Variants in ERBB4 observed in about 807,000 individuals in gnomAD.
ERBB4 encodes erb-b2 receptor tyrosine kinase 4.
Under a neutral mutation model 158.0 loss-of-function variants are expected in ERBB4, and 42 were observed. The observed-to-expected ratio is 0.27, with a 90% CI of 0.21 to 0.34. The LOEUF is 0.34. Among genes scored for constraint, ERBB4 ranks in the 10% least tolerant of loss-of-function variants. The pLI, the probability that ERBB4 is intolerant of heterozygous loss-of-function variation, is 1.00. For synonymous variants in ERBB4, 583 were observed against 558.7 expected (o/e 1.04, Z -0.61); for missense variants, 1,333 against 1,624.1 (o/e 0.82, Z 3.08).
intron 7 of ERBB4, among the ~76,000 whole-genome samples, chr2:211,713,946 G>C (rs2073807737): frequency 6.6e-6 from 1 of 152,168 alleles, no homozygotes; most frequent in Non-Finnish European, 1.5e-5. Context: ...TTTAGCTTGT[G>C]TGTGTCAATA....
At chr2:211,553,613 T>C (rs971775301) in intron 20 of ERBB4, among the ~76,000 whole-genome samples, 1 of 152,240 alleles carries the variant, frequency 6.6e-6, no homozygotes, top group African/African-American at 2.4e-5. Context: ...TCTTACTTTA[T>C]GCCAAACAGT....
chr2:211,722,421 A>T lies in ERBB4; in HGVS notation c.855T>A (p.Tyr285Ter). 6.2e-7 allele frequency: 1 copy of T among 1,613,758 alleles called. No homozygotes were observed. The highest frequency in any genetic ancestry group is 8.5e-7 in the Non-Finnish European group (1 of 1,179,662). ...GACATTTCTTGACACAGAATGCTCC[A>T]TATGTGTACTTTGCATTGAAATTGT... ...LEHNFNAKYT[Y>*]GAFCVKKCPH... The change falls in exon 7 of 28, where the codon TAT (tyrosine) becomes TAA (stop). Residue 285 changes from tyrosine (Y) to a stop codon, truncating the protein, a stop_gained. Coordinates refer to ENST00000342788, the MANE Select transcript of ERBB4 (RefSeq NM_005235.3). LOFTEE classifies it high-confidence loss of function.
chr2:211,687,085 G>A (rs1260741874), intron 12 of ERBB4, among the ~76,000 whole-genome samples: 1 of 151,698 alleles, frequency 6.6e-6, no homozygotes, highest in African/African-American at 2.4e-5. Context: ...CACGAGGTCA[G>A]GAGATCGAGA....
At chr2:211,432,144 T>G (rs937177054) in intron 20 of ERBB4, among the ~76,000 whole-genome samples, 1 of 152,218 alleles carries the variant, frequency 6.6e-6, no homozygotes, top group Non-Finnish European at 1.5e-5. Context: ...AAAAATAGAT[T>G]AGAATTATTA....
At chr2:212,066,974 A>G (rs1263782828) in intron 2 of ERBB4, among the ~76,000 whole-genome samples, 1 of 151,980 alleles carries the variant, frequency 6.6e-6, no homozygotes, top group Non-Finnish European at 1.5e-5. Flanking sequence ...GACTGAATGA[A>G]CTGATAAGAA....
At chr2:212,510,536 G>A (rs1465475500) in intron 1 of ERBB4, among the ~76,000 whole-genome samples, 1 of 151,822 alleles carries the variant, frequency 6.6e-6, no homozygotes, top group Non-Finnish European at 1.5e-5. Context: ...CATTTAAAAA[G>A]TTATAGGAAA....
chr2:211,441,465 AGC>A, intron 20 of ERBB4, among the ~76,000 whole-genome samples: 1 of 152,112 alleles, frequency 6.6e-6, no homozygotes, highest in Non-Finnish European at 1.5e-5. Flanking sequence ...GAGCACCTGT[AGC>A]TCCCTGCCTC....
intron 1 of ERBB4, among the ~76,000 whole-genome samples, chr2:212,241,529 A>C (rs527766954): frequency 6.6e-6 from 1 of 152,354 alleles, no homozygotes; most frequent in African/African-American, 2.4e-5. Flanking sequence ...CTATTATCTT[A>C]GAAACTAATA....
intron 1 of ERBB4, among the ~76,000 whole-genome samples, chr2:212,486,853 G>C (rs575293284): frequency 6.9e-4 from 105 of 151,430 alleles, no homozygotes; most frequent in South Asian, 5.8e-3. Flanking sequence ...ATGTTCTTTT[G>C]TATTCTGTTG....
At chr2:212,450,417 T>G (rs2092428294) in intron 1 of ERBB4, among the ~76,000 whole-genome samples, 1 of 152,010 alleles carries the variant, frequency 6.6e-6, no homozygotes, top group East Asian at 1.9e-4. Context: ...AAAAAGAAAG[T>G]TCAGAGTTAA....
intron 2 of ERBB4, among the ~76,000 whole-genome samples, chr2:212,116,213 T>C (rs2079566384): frequency 1.3e-5 from 2 of 151,558 alleles, no homozygotes; most frequent in African/African-American, 2.4e-5. Context: ...ACAATATTTG[T>C]ATATACTATA....
At chr2:212,531,962 G>A (rs1416119653) in intron 1 of ERBB4, among the ~76,000 whole-genome samples, 1 of 152,134 alleles carries the variant, frequency 6.6e-6, no homozygotes, top group African/African-American at 2.4e-5. Context: ...AATTAAAGAT[G>A]ATCATGAGGA....
chr2:211,642,592 T>G lies in ERBB4; in HGVS notation c.1947-11998A>C, dbSNP rs74652818. On this transcript the variant is annotated intron_variant, in intron 16 of 27. Transcript: ENST00000342788. ...AGAGATTAAAGGTAAAATAAAAGAA[T>G]TTCTATTTTTATAAGCTCAAACATA... Among the ~76,000 whole-genome samples, 1,038 of 152,184 alleles carry G rather than the reference T, an allele frequency of 6.8e-3. 11 individuals are homozygous for G. The highest frequency in any genetic ancestry group is 0.023 in the African/African-American group (976 of 41,544).
intron 3 of ERBB4, among the ~76,000 whole-genome samples, chr2:211,857,332 C>T (rs954704207): frequency 3.3e-5 from 5 of 152,060 alleles, no homozygotes; most frequent in Admixed American, 6.5e-5. Context: ...CTGTTAAGTC[C>T]AATAAGTGTT....
At chr2:211,591,420 G>C (rs2068459367) in intron 19 of ERBB4, among the ~76,000 whole-genome samples, 1 of 152,140 alleles carries the variant, frequency 6.6e-6, no homozygotes, top group Admixed American at 6.5e-5. Flanking sequence ...GCTTTTTGAA[G>C]CTAGATTTCA....
rs180740598 is a variant in ERBB4 at position 212,381,269 on chromosome 2, G to A, written c.82+157180C>T. Reference sequence around the variant, plus strand: ...AAAGTTAGATAAAAAGTCAAAGGTTGGCTCAAAAGAAGCAGTTGTACCTAA... The same window carrying A: ...AAAGTTAGATAAAAAGTCAAAGGTTAGCTCAAAAGAAGCAGTTGTACCTAA... On this transcript the variant is annotated intron_variant, in intron 1 of 27. Transcript: ENST00000342788. Among the ~76,000 whole-genome samples, 257 of 151,292 alleles carry A rather than the reference G, an allele frequency of 1.7e-3. 2 individuals carry two copies. The highest frequency in any genetic ancestry group is 5.8e-3 in the African/African-American group (242 of 41,444).
chr2:211,644,540 C>A (rs2070716821), intron 16 of ERBB4, among the ~76,000 whole-genome samples: 1 of 151,950 alleles, frequency 6.6e-6, no homozygotes, highest in Non-Finnish European at 1.5e-5. Context: ...GAAACCATTT[C>A]ATTTACATGC....
At chr2:211,859,398 A>G (rs971277435) in intron 3 of ERBB4, among the ~76,000 whole-genome samples, 7 of 152,340 alleles carry the variant, frequency 4.6e-5, no homozygotes, top group Admixed American at 1.3e-4. Context: ...TCAAATTAGA[A>G]AAATATTTGG....
chr2:212,028,379 G>A (rs930179819), intron 2 of ERBB4, among the ~76,000 whole-genome samples: 6 of 152,118 alleles, frequency 3.9e-5, no homozygotes, highest in East Asian at 1.9e-4. Context: ...AAATGTCCCC[G>A]CCTGGCAATG....
Sources: allele counts gnomAD v4.1 joint callset (sites outside exome capture counted in the v4.1 genomes callset), GRCh38; gene constraint gnomAD v4.1.1; transcripts MANE v1.5; gene names NCBI Gene and HGNC (gene_info 2026-07-23, HGNC 2026-07-21).